Variants in C10orf90 observed in about 807,000 individuals in gnomAD.
The protein encoded by C10orf90 is chromosome 10 open reading frame 90, also known as (E2-independent) E3 ubiquitin-conjugating enzyme FATS.
In C10orf90, 56 loss-of-function variants were observed where a neutral mutation model predicts 62.5. The observed-to-expected ratio is 0.90, with a 90% CI of 0.72 to 1.12. C10orf90 has a LOEUF of 1.12. C10orf90 is among the 50% of genes most tolerant of loss of function. The pLI is 0.00. For synonymous variants in C10orf90, 386 were observed against 340.4 expected, an observed-to-expected ratio of 1.13 and a Z score of -1.47; for missense variants, 970 against 880.4, an observed-to-expected ratio of 1.10 and a Z score of -1.29.
Position 126,456,804 on chromosome 10 carries a change from C to T in C10orf90, c.2188+2236G>A, listed in dbSNP as rs1859614662. Among the ~76,000 whole-genome samples the T allele has an allele frequency of 6.6e-6, 1 of 152,112 alleles. No individual in the cohort carries two copies. Among genetic ancestry groups the T allele is most frequent in the Non-Finnish European group, 1.5e-5 (1 of 68,030 alleles). Reference sequence around the variant, plus strand: ...AGAGGCAGAGACTGTAGTGCCGCATCTACAAACCAAGGAACATCAAGGATT... The same window carrying T: ...AGAGGCAGAGACTGTAGTGCCGCATTTACAAACCAAGGAACATCAAGGATT... On this transcript the variant is annotated intron_variant, in intron 7 of 9. Coordinates refer to ENST00000488181, the MANE Select transcript of C10orf90 (RefSeq NM_001350921.2). The surrounding 1 kb of genome is among the most constrained non-coding windows in gnomAD (Gnocchi z 4.9).
At chr10:126,473,240 A>G (rs1860679241) in intron 4 of C10orf90, among the ~76,000 whole-genome samples, 1 of 152,082 alleles carries the variant, frequency 6.6e-6, no homozygotes, top group Non-Finnish European at 1.5e-5. Context: ...ACAGAATGCT[A>G]CTCTGTTCAT....
intron 2 of C10orf90, among the ~76,000 whole-genome samples, chr10:126,575,478 A>G (rs1349020116): frequency 6.6e-6 from 1 of 152,090 alleles, no homozygotes; most frequent in Admixed American, 6.5e-5. Flanking sequence ...AAGAATTAAT[A>G]TTATTAAAAT....
Position 126,479,849 on chromosome 10 carries a change from C to CCAGT in C10orf90, c.1535-14867_1535-14864dup, listed in dbSNP as rs1483758785. 2.6e-5 allele frequency among the ~76,000 whole-genome samples: 4 copies of CCAGT among 152,314 alleles called. No individual in the cohort carries two copies. The East Asian group carries it at 7.7e-4, about 29-fold the overall frequency. On this transcript the variant is annotated intron_variant, in intron 4 of 9. Coordinates refer to ENST00000488181, the MANE Select transcript of C10orf90 (RefSeq NM_001350921.2). ...CAGAGAGATTCACTGCCCAAGACAT[C>CCAGT]CAGTTCCTTCTCGATTATAATAGCA...
chr10:126,451,325 A>C (rs749804286), intron 7 of C10orf90, among the ~76,000 whole-genome samples: 2 of 152,124 alleles, frequency 1.3e-5, no homozygotes, highest in Non-Finnish European at 1.5e-5. Flanking sequence ...TACTGTTGGG[A>C]ATTTATCTAA....
At chr10:126,665,179 C>G (rs895790459) in intron 1 of C10orf90, among the ~76,000 whole-genome samples, 5 of 152,154 alleles carry the variant, frequency 3.3e-5, no homozygotes, top group Non-Finnish European at 7.4e-5. Context: ...CCTCCTCAGG[C>G]TGGAGGTAGA....
intron 2 of C10orf90, among the ~76,000 whole-genome samples, chr10:126,543,115 G>T (rs779963322): frequency 6.6e-6 from 1 of 152,098 alleles, no homozygotes; most frequent in Non-Finnish European, 1.5e-5. Context: ...TGTGAACTCC[G>T]TACAGCAATA....
chr10:126,593,701 GA>G lies in C10orf90; in HGVS notation c.313+52863del, dbSNP rs1303442026. On this transcript the variant is annotated intron_variant, in intron 2 of 9. Coordinates refer to ENST00000488181, the MANE Select transcript of C10orf90 (RefSeq NM_001350921.2). ...TGTGCCCCAGAACTCAAAGTTGCAG[GA>G]AAAAAAATGAGGAAAAGAAAAAGAA... is the stretch of plus-strand genomic sequence containing the variant. 4.6e-5 allele frequency among the ~76,000 whole-genome samples: 7 copies of G among 151,706 alleles called. 1 individual carries two copies. The highest frequency in any genetic ancestry group is 1.2e-4 in the African/African-American group (5 of 41,396).
chr10:126,463,382 T>TG (rs1719086558), intron 5 of C10orf90: 1 of 152,300 alleles, frequency 6.6e-6, no homozygotes, highest in African/African-American at 2.4e-5. Flanking sequence ...TCCTCCACAT[T>TG]GCGCACGAGG....
At chr10:126,660,325 G>A (rs1375751780) in intron 1 of C10orf90, among the ~76,000 whole-genome samples, 2 of 152,224 alleles carry the variant, frequency 1.3e-5, no homozygotes, top group Non-Finnish European at 2.9e-5. Context: ...TATCAGACAG[G>A]CCTGACCTAG....
chr10:126,426,767 G>A (rs1857289674), intron 8 of C10orf90, among the ~76,000 whole-genome samples: 2 of 152,080 alleles, frequency 1.3e-5, no homozygotes, highest in Non-Finnish European at 2.9e-5. Flanking sequence ...TGTACGTGTG[G>A]CACTCAGCTA....
chr10:126,497,093 G>A (rs1862101678), intron 4 of C10orf90, among the ~76,000 whole-genome samples: 1 of 152,234 alleles, frequency 6.6e-6, no homozygotes, highest in Non-Finnish European at 1.5e-5. Context: ...CACGATCAAT[G>A]TCAAGTGAGT....
chr10:126,626,128 C>CAAAAA (rs35587001), intron 2 of C10orf90, among the ~76,000 whole-genome samples: 3 of 109,906 alleles, frequency 2.7e-5, no homozygotes, highest in African/African-American at 1.0e-4. Context: ...GATTCCATCT[C>CAAAAA]AAAAAAAAAA....
chr10:126,477,121 A>ATTTTTTTTTTTTTTTTTTTTT (rs1860931042), intron 4 of C10orf90, among the ~76,000 whole-genome samples: 1 of 37,652 alleles, frequency 2.7e-5, no homozygotes, highest in Non-Finnish European at 5.0e-5. Context: ...TTTTTTTTGG[A>ATTTTTTTTTTTTTTTTTTTTT]TTTTTGGAGC....
chr10:126,644,520 C>G (rs1298528242), intron 2 of C10orf90, among the ~76,000 whole-genome samples: 1 of 152,184 alleles, frequency 6.6e-6, no homozygotes, highest in Non-Finnish European at 1.5e-5. Flanking sequence ...AAGTGTTATT[C>G]CATAATCAGC....
At chr10:126,626,712 G>A (rs111938589) in intron 2 of C10orf90, among the ~76,000 whole-genome samples, 42 of 152,300 alleles carry the variant, frequency 2.8e-4, no homozygotes, top group South Asian at 2.1e-3. Context: ...CACAGGGATC[G>A]ATACAGTGAG....
intron 2 of C10orf90, among the ~76,000 whole-genome samples, chr10:126,556,143 C>T (rs1413863628): frequency 2.0e-5 from 3 of 152,142 alleles, no homozygotes; most frequent in African/African-American, 4.8e-5. Flanking sequence ...CAAGTTACAC[C>T]AATGTGGGAA....
chr10:126,470,825 G>T (rs1860546827), intron 4 of C10orf90, among the ~76,000 whole-genome samples: 1 of 151,852 alleles, frequency 6.6e-6, no homozygotes, highest in African/African-American at 2.4e-5. Flanking sequence ...AAACAGAACA[G>T]AACAAGCCTA....
chr10:126,658,873 G>A (rs781408369), intron 1 of C10orf90, among the ~76,000 whole-genome samples: 15 of 152,146 alleles, frequency 9.9e-5, no homozygotes, highest in East Asian at 3.9e-4. Flanking sequence ...GATTACAAGC[G>A]TGAGCCATTG....
At chr10:126,648,322 A>C (rs756292629) in intron 1 of C10orf90, among the ~76,000 whole-genome samples, 7 of 152,154 alleles carry the variant, frequency 4.6e-5, no homozygotes, top group Non-Finnish European at 1.0e-4. Flanking sequence ...GAAGGGAGGG[A>C]GGGAGGAAGA....
Sources: allele counts gnomAD v4.1 joint callset (sites outside exome capture counted in the v4.1 genomes callset), GRCh38; gene constraint gnomAD v4.1.1; non-coding constraint Gnocchi (gnomAD v3.1); transcripts MANE v1.5; gene names NCBI Gene and HGNC (gene_info 2026-07-23, HGNC 2026-07-21).